The following PCDHGA8 variants were observed in gnomAD, a reference collection of about 807,000 sequenced individuals.
PCDHGA8 encodes protocadherin gamma-A8.
PCDHGA8 carries 45 observed loss-of-function variants against 59.2 expected under a neutral mutation model. The ratio of observed to expected loss-of-function variants is 0.76; its 90% CI spans 0.60 to 0.98. The LOEUF (loss-of-function observed/expected upper bound fraction) is 0.98, where lower values mean the gene tolerates loss of function less well. Ranked by LOEUF, PCDHGA8 falls within the 50% of genes least tolerant of loss-of-function variation. PCDHGA8 has a pLI of 0.00. For missense variants in PCDHGA8, 1,257 were observed against 1,196.2 expected (o/e 1.05, Z -0.75); for synonymous variants, 531 against 519.0 (o/e 1.02, Z -0.32).
intron 1 of PCDHGA8, chr5:141,422,139 A>G (rs2096627272): frequency 6.3e-7 from 1 of 1,588,154 alleles, no homozygotes. Context: ...AAGTTCAAGT[A>G]CGGGGGTCTC....
In PCDHGA8 at chr5:141,393,572, G is replaced by C. The variant is rs1399932416; in HGVS notation, c.759G>C (p.Glu253Asp). The C allele has an allele frequency of 6.2e-7, 1 of 1,613,908 alleles. No homozygotes were observed. The highest frequency in any genetic ancestry group is 1.1e-5 in the South Asian group (1 of 91,084). Residue 253 changes from glutamate (E) to aspartate (D), a missense_variant, in exon 1 of 4, where the codon GAG (glutamate) becomes GAC (aspartate). Glu to Asp is a conservative substitution (Grantham distance 45). Transcript: ENST00000398604. Reference sequence around the variant, plus strand: ...CGATTTACCGAGTGAAAGTCCTTGAGAACATGCCCCCAGGCACGCGGCTGC... The same window carrying C: ...CGATTTACCGAGTGAAAGTCCTTGACAACATGCCCCCAGGCACGCGGCTGC... The part of the protein sequence containing the change: ...PHPIYRVKVL[E>D]NMPPGTRLLT...
At chr5:141,505,532 G>A in intron 3 of PCDHGA8, 51 bp downstream of exon 3, 2 of 1,611,270 alleles carry the variant, frequency 1.2e-6, no homozygotes, top group Non-Finnish European at 1.7e-6. Context: ...GGGGTTCTGG[G>A]GTGCATCTCA....
At chr5:141,501,127 T>C (rs2099805755) in intron 2 of PCDHGA8, among the ~76,000 whole-genome samples, 5 of 152,024 alleles carry the variant, frequency 3.3e-5, no homozygotes, top group Non-Finnish European at 7.4e-5. Context: ...TCAGCCTCCC[T>C]AAGTGCTGGG....
In PCDHGA8 at chr5:141,489,744, C is replaced by T. The variant is rs185263705; in HGVS notation, c.2425-5063C>T. The T allele has an allele frequency of 1.1e-5, 18 of 1,614,144 alleles. No homozygotes were observed. In the Admixed American group the frequency reaches 2.8e-4, roughly 25 times the overall value. Reference sequence around the variant, plus strand: ...CGGATGTGGGCACCAATACTGTGAGCTTTTACACTCTAAGCCCCAACAGCC... The same window carrying T: ...CGGATGTGGGCACCAATACTGTGAGTTTTTACACTCTAAGCCCCAACAGCC... On this transcript the variant is annotated intron_variant, in intron 1 of 3. Transcript: ENST00000398604. This position sits in a 1 kb window ranked among gnomAD's most constrained non-coding sequence, Gnocchi z 4.5.
intron 1 of PCDHGA8, among the ~76,000 whole-genome samples, chr5:141,473,069 A>G (rs552033483): frequency 3.9e-4 from 59 of 152,180 alleles, no homozygotes; most frequent in South Asian, 8.3e-4. Flanking sequence ...AAGTTACAGC[A>G]TCTTTGTTTA....
At chr5:141,411,771 A>C (rs2095514402) in intron 1 of PCDHGA8, 1 of 151,946 alleles carries the variant, frequency 6.6e-6, no homozygotes, top group Non-Finnish European at 1.5e-5. Flanking sequence ...GGTCTCAGCT[A>C]CTCTGGTGGC....
chr5:141,410,746 C>A (rs1489353130), intron 1 of PCDHGA8: 28 of 1,269,804 alleles, frequency 2.2e-5, no homozygotes, highest in Non-Finnish European at 2.7e-5. Flanking sequence ...ACAATATTTT[C>A]TCAATGTTTT....
At chr5:141,437,778 G>C (rs750813139) in intron 1 of PCDHGA8, among the ~76,000 whole-genome samples, 1 of 146,836 alleles carries the variant, frequency 6.8e-6, no homozygotes, top group Non-Finnish European at 1.5e-5. Flanking sequence ...TCAATCTGTC[G>C]CCAAGCTGGA....
rs1303712746 is a variant in PCDHGA8 at position 141,512,800 on chromosome 5, C to G, written c.*1627C>G. The G allele has an allele frequency of 1.3e-5, 2 of 152,238 alleles. No homozygotes were observed. Among genetic ancestry groups the G allele is most frequent in the African/African-American group, 4.8e-5 (2 of 41,434 alleles). The allele number at this position is 152,238 out of a possible 1,614,324, so 9.4% of individuals were successfully genotyped here. A position where few individuals can be genotyped will look rare whatever the true frequency, so the allele number is the denominator to read the frequency against. On this transcript the variant is annotated 3_prime_UTR_variant, in exon 4 of 4. Coordinates refer to ENST00000398604, the MANE Select transcript of PCDHGA8 (RefSeq NM_032088.2). Reference sequence around the variant, plus strand: ...GCCCGTGTTGTGTTTTGTGCTGTGTCCACGCGCTAAGGCGACCCCCTCCCC... The same window carrying G: ...GCCCGTGTTGTGTTTTGTGCTGTGTGCACGCGCTAAGGCGACCCCCTCCCC...
intron 2 of PCDHGA8, among the ~76,000 whole-genome samples, chr5:141,502,866 C>CTTTTTTT (rs549047197): frequency 0.02 from 2,590 of 127,990 alleles, 216 homozygotes; most frequent in African/African-American, 0.075. Flanking sequence ...GACTCTCTGT[C>CTTTTTTT]TTTTTTTTTT....
chr5:141,394,926 C>T lies in PCDHGA8; in HGVS notation c.2113C>T (p.Leu705Phe). ...AGTGGCTGCCATCTCCTGTGTCTTC[C>T]TCGCCTTTGTCGCTGTGCTTCTGGG... Reference protein sequence around the residue: ...VAVAAISCVFLAFVAVLLGLR... With the variant: ...VAVAAISCVFFAFVAVLLGLR... Residue 705 changes from leucine to phenylalanine, a missense_variant, in exon 1 of 4, where the codon CTC (leucine) becomes TTC (phenylalanine). Leu to Phe is a conservative substitution (Grantham distance 22). Transcript: ENST00000398604. The T allele has an allele frequency of 1.2e-6, 2 of 1,613,844 alleles. No individual in the cohort carries two copies. Among genetic ancestry groups the T allele is most frequent in the Non-Finnish European group, 1.7e-6 (2 of 1,179,898 alleles).
At chr5:141,409,904 G>A in intron 1 of PCDHGA8, 3 of 1,613,278 alleles carry the variant, frequency 1.9e-6, no homozygotes, top group Non-Finnish European at 2.5e-6. Flanking sequence ...CCCAGCTCTG[G>A]GTCCTGACGG....
At chr5:141,454,344 G>A (rs1455147295) in intron 1 of PCDHGA8, among the ~76,000 whole-genome samples, 3 of 152,236 alleles carry the variant, frequency 2.0e-5, no homozygotes, top group Non-Finnish European at 4.4e-5. Flanking sequence ...AATGTTGGAA[G>A]TTGATCCAAA....
At chr5:141,423,006 T>G (rs746057587) in intron 1 of PCDHGA8, 12 of 1,614,078 alleles carry the variant, frequency 7.4e-6, no homozygotes, top group African/African-American at 1.3e-5. Context: ...CCAAGGTGGT[T>G]GCGGTGGACA....
chr5:141,487,748 T>A lies in PCDHGA8; in HGVS notation c.2425-7059T>A, dbSNP rs1458153935. ...TGTCACCATTTTTGTAAGAGGTAACTATGTGGTAGACGCTGTGCTTTGTAA... is the reference window on the plus strand; with the variant it reads ...TGTCACCATTTTTGTAAGAGGTAACAATGTGGTAGACGCTGTGCTTTGTAA... On this transcript the variant is annotated intron_variant, in intron 1 of 3. Transcript: ENST00000398604. This position sits in a 1 kb window ranked among gnomAD's most constrained non-coding sequence, Gnocchi z 5.0. 6.4e-7 allele frequency: 1 copy of A among 1,557,554 alleles called. No homozygotes were observed. The highest frequency in any genetic ancestry group is 1.2e-5 in the South Asian group (1 of 84,814).
At chr5:141,450,006 C>CTT (rs1554136305) in intron 1 of PCDHGA8, among the ~76,000 whole-genome samples, 6 of 132,984 alleles carry the variant, frequency 4.5e-5, no homozygotes, top group East Asian at 2.2e-4. Flanking sequence ...TGCCATGTCT[C>CTT]TTTTTTTTTT....
At chr5:141,410,142 G>C in intron 1 of PCDHGA8, 1 of 1,612,730 alleles carries the variant, frequency 6.2e-7, no homozygotes, top group African/African-American at 1.3e-5. Context: ...GTCGCTGTGC[G>C]TGACGGTGGA....
chr5:141,477,042 G>A lies in PCDHGA8; in HGVS notation c.2425-17765G>A. ...ACCGGGATGCTGACAATCAAGGGTC[G>A]GCTGGACTTCGAGGACACCAAACTC... On this transcript the variant is annotated intron_variant, in intron 1 of 3. Transcript: ENST00000398604. This position sits in a 1 kb window ranked among gnomAD's most constrained non-coding sequence, Gnocchi z 4.9. 1 of 1,614,238 alleles carries A rather than the reference G, an allele frequency of 6.2e-7. No homozygotes were observed. Among genetic ancestry groups the A allele is most frequent in the Non-Finnish European group, 8.5e-7 (1 of 1,180,040 alleles).
rs372096658 is a variant in PCDHGA8, at chr5:141,405,073, C to T, written c.2424+9836C>T. On this transcript the variant is annotated intron_variant, in intron 1 of 3. Coordinates refer to ENST00000398604, the MANE Select transcript of PCDHGA8 (RefSeq NM_032088.2). The stretch of plus-strand genomic sequence containing the variant: ...TCGTCTCCTGTGTCTTCCTCACCTT[C>T]GTTATCACGCTGCTGGCCCTCAGGC... The T allele has an allele frequency of 1.1e-5, 17 of 1,613,880 alleles. No individual in the cohort carries two copies. In the East Asian group the frequency reaches 1.3e-4, roughly 13 times the overall value.
Sources: gnomAD v4.1 joint callset for allele counts (sites outside exome capture counted in the v4.1 genomes callset) on GRCh38, gnomAD v4.1.1 for gene constraint, Gnocchi (gnomAD v3.1) non-coding constraint, MANE v1.5 for transcripts, NCBI Gene and HGNC (gene_info 2026-07-23, HGNC 2026-07-21) for gene names.